The following CAMK4 variants were observed in gnomAD, a reference collection of about 807,000 sequenced individuals.
CAMK4 encodes calcium/calmodulin dependent protein kinase IV, also known as calcium/calmodulin-dependent protein kinase type IV.
Under a neutral mutation model 44.9 loss-of-function variants are expected in CAMK4, and 22 were observed. That is an observed-to-expected ratio of 0.49 (90% CI 0.35 to 0.70). CAMK4 has a LOEUF of 0.70. Ranked by LOEUF, CAMK4 falls within the 30% of genes least tolerant of loss-of-function variation. The probability of loss-of-function intolerance (pLI) is 0.01; values close to 1 mark genes in which losing one functional copy is unlikely to be tolerated. For missense variants in CAMK4, 498 were observed against 586.8 expected (o/e 0.85, Z 1.56); for synonymous variants, 218 against 215.4 (o/e 1.01, Z -0.11).
chr5:111,420,661 T>C (rs1326693471), intron 5 of CAMK4, among the ~76,000 whole-genome samples: 4 of 152,216 alleles, frequency 2.6e-5, no homozygotes, highest in African/African-American at 9.6e-5. Context: ...GGGGGCCGTT[T>C]ATAGGCCTAT....
At chr5:111,340,208 T>C (rs1749581572) in intron 1 of CAMK4, among the ~76,000 whole-genome samples, 1 of 151,238 alleles carries the variant, frequency 6.6e-6, no homozygotes, top group African/African-American at 2.4e-5. Flanking sequence ...CAGATTCCTT[T>C]TATTTCTTTG....
At chr5:111,433,814 G>A (rs532820289) in intron 5 of CAMK4, among the ~76,000 whole-genome samples, 49 of 152,304 alleles carry the variant, frequency 3.2e-4, no homozygotes, top group African/African-American at 9.4e-4. Context: ...CCAGGATGAC[G>A]CACAGCCACA....
intron 1 of CAMK4, among the ~76,000 whole-genome samples, chr5:111,317,708 A>G (rs937633600): frequency 1.3e-5 from 2 of 151,996 alleles, no homozygotes; most frequent in East Asian, 1.9e-4. Context: ...GACCAGCTTC[A>G]TGGGCATGTG....
chr5:111,418,884 A>G (rs528643028), intron 5 of CAMK4, among the ~76,000 whole-genome samples: 5 of 152,278 alleles, frequency 3.3e-5, no homozygotes, highest in Admixed American at 2.0e-4. Flanking sequence ...GCTATTGTGA[A>G]TAGTGCCGCA....
At chr5:111,294,674 A>AT (rs57275745) in intron 1 of CAMK4, among the ~76,000 whole-genome samples, 12,411 of 143,456 alleles carry the variant, frequency 0.087, 589 homozygotes, top group African/African-American at 0.13. Context: ...GCTTATTTCT[A>AT]TTTTTTTTTT....
intron 2 of CAMK4, among the ~76,000 whole-genome samples, chr5:111,350,119 T>C (rs1035564102): frequency 1.3e-5 from 2 of 152,068 alleles, no homozygotes; most frequent in African/African-American, 2.4e-5. Flanking sequence ...TTAGAAGTTA[T>C]AGAATATCTC....
At chr5:111,356,496 T>C (rs1281274707) in intron 2 of CAMK4, among the ~76,000 whole-genome samples, 1 of 152,264 alleles carries the variant, frequency 6.6e-6, no homozygotes, top group Non-Finnish European at 1.5e-5. Context: ...GTGCAGAAGC[T>C]CTTTAGTTTA....
intron 4 of CAMK4, among the ~76,000 whole-genome samples, chr5:111,378,359 G>T (rs549282910): frequency 6.6e-6 from 1 of 152,164 alleles, no homozygotes; most frequent in Non-Finnish European, 1.5e-5. Context: ...CAGCTCAAAT[G>T]GACTAAGACA....
intron 1 of CAMK4, chr5:111,265,773 T>C (rs760767485): frequency 6.6e-6 from 1 of 152,218 alleles, no homozygotes; most frequent in East Asian, 1.9e-4. Context: ...AGAAGGAAGC[T>C]GTCACACAGA....
chr5:111,375,714 A>G (rs991688022), intron 3 of CAMK4, among the ~76,000 whole-genome samples: 2 of 152,178 alleles, frequency 1.3e-5, no homozygotes, highest in East Asian at 1.9e-4. Flanking sequence ...AACAAAAATC[A>G]GGCAGTTTTC....
chr5:111,396,281 A>G (rs1752003510), intron 5 of CAMK4, among the ~76,000 whole-genome samples: 1 of 152,150 alleles, frequency 6.6e-6, no homozygotes, highest in Admixed American at 6.6e-5. Context: ...ATGGTGAGGG[A>G]TGAAAAGTTT....
Position 111,381,266 on chromosome 5 carries a change from A to G in CAMK4, c.386+4324A>G, listed in dbSNP as rs60405323. On this transcript the variant is annotated intron_variant, in intron 4 of 10. Transcript: ENST00000282356. ...ATGTATATATGTAGGGGAGTTTATT[A>G]GGAGAATTGACTCACGCAGTCACAA... 9.7e-3 allele frequency among the ~76,000 whole-genome samples: 1,483 copies of G among 152,266 alleles called. 25 individuals carry two copies. Among genetic ancestry groups the G allele is most frequent in the African/African-American group, 0.033 (1,381 of 41,554 alleles).
At chr5:111,243,993 C>T (rs776971706) in intron 1 of CAMK4, among the ~76,000 whole-genome samples, 17 of 152,018 alleles carry the variant, frequency 1.1e-4, no homozygotes, top group South Asian at 2.1e-4. Flanking sequence ...ATGAAGAAAC[C>T]GGAGCACAGA....
At chr5:111,314,350 TTC>T (rs1402481208) in intron 1 of CAMK4, among the ~76,000 whole-genome samples, 1 of 152,008 alleles carries the variant, frequency 6.6e-6, no homozygotes, top group East Asian at 1.9e-4. Flanking sequence ...TTTAATACAG[TTC>T]CAACATTTTT....
At chr5:111,481,626 C>T (rs1561514461) in intron 9 of CAMK4, among the ~76,000 whole-genome samples, 1 of 152,160 alleles carries the variant, frequency 6.6e-6, no homozygotes, top group Non-Finnish European at 1.5e-5. Flanking sequence ...TTATTTTGCA[C>T]ATGAGCAGGC....
intron 7 of CAMK4, among the ~76,000 whole-genome samples, chr5:111,467,943 CACACACACA>C (rs1754904775): frequency 7.1e-6 from 1 of 141,756 alleles, no homozygotes; most frequent in African/African-American, 3.0e-5. Context: ...GTCACACACA[CACACACACA>C]CACACACACA....
intron 1 of CAMK4, among the ~76,000 whole-genome samples, chr5:111,263,103 T>C (rs997604214): frequency 6.6e-6 from 1 of 152,240 alleles, no homozygotes; most frequent in African/African-American, 2.4e-5. Flanking sequence ...AAAGAGATCA[T>C]AGTTCATGTC....
At chr5:111,270,608 A>T (rs1750468545) in intron 1 of CAMK4, among the ~76,000 whole-genome samples, 1 of 152,104 alleles carries the variant, frequency 6.6e-6, no homozygotes, top group South Asian at 2.1e-4. Flanking sequence ...CTTACCTATC[A>T]GCTTACCCCT....
chr5:111,282,052 G>A (rs949692757), intron 1 of CAMK4, among the ~76,000 whole-genome samples: 1 of 145,704 alleles, frequency 6.9e-6, no homozygotes, highest in Admixed American at 6.7e-5. Flanking sequence ...GCGAGACTCC[G>A]TCTCAAAAAA....
Sources: gnomAD v4.1 joint callset for allele counts (sites outside exome capture counted in the v4.1 genomes callset) on GRCh38, gnomAD v4.1.1 for gene constraint, MANE v1.5 for transcripts, NCBI Gene and HGNC (gene_info 2026-07-23, HGNC 2026-07-21) for gene names.